Variants in FCRL6 observed in about 807,000 individuals in gnomAD.
FCRL6 encodes Fc receptor-like protein 6.
Under a neutral mutation model 49.1 loss-of-function variants are expected in FCRL6, and 50 were observed. That is an observed-to-expected ratio of 1.02 (90% CI 0.81 to 1.29). The LOEUF is 1.29. Among genes scored for constraint, FCRL6 ranks in the 50% most tolerant of loss-of-function variants. The pLI, the probability that FCRL6 is intolerant of heterozygous loss-of-function variation, is 0.00. For synonymous variants in FCRL6, 213 were observed against 199.6 expected (o/e 1.07, Z -0.57); for missense variants, 571 against 518.5 (o/e 1.10, Z -0.98).
At chr1:159,809,950 C>T (rs1662993443) in intron 5 of FCRL6, 144 bp from the exon 6 acceptor site, 2 of 1,044,014 alleles carry the variant, frequency 1.9e-6, no homozygotes, top group South Asian at 1.5e-5. Context: ...TCCCCTGAGC[C>T]ATCCTTCATG....
At chr1:159,801,881 G>A (rs1662356187), upstream of FCRL6, among the ~76,000 whole-genome samples, 1 of 152,088 alleles carries the variant, frequency 6.6e-6, no homozygotes, top group Non-Finnish European at 1.5e-5. Flanking sequence ...CTCCTGAACT[G>A]AGGATCCTGT....
In FCRL6 at chr1:159,814,229, C is replaced by G; in HGVS notation, c.1084C>G (p.Gln362Glu). 4 of 1,613,914 alleles carry G rather than the reference C, an allele frequency of 2.5e-6. No individual in the cohort carries two copies. The highest frequency in any genetic ancestry group is 3.4e-6 in the Non-Finnish European group (4 of 1,179,810). Residue 362 changes from glutamine (Q) to glutamate (E), a missense_variant, in exon 8 of 10, where the codon CAG (glutamine) becomes GAG (glutamate). Coordinates refer to ENST00000368106, the MANE Select transcript of FCRL6 (RefSeq NM_001004310.3). ...CTCATTCCTTCTTCCAGTGCATCACCAGAAAGGGAAAGATGAAGGTGTTGT... is the reference window on the plus strand; with the variant it reads ...CTCATTCCTTCTTCCAGTGCATCACGAGAAAGGGAAAGATGAAGGTGTTGT... ...QCPLYANVHH[Q>E]KGKDEGVVYS...
At chr1:159,803,710 G>T (rs1462611000) in intron 1 of FCRL6, among the ~76,000 whole-genome samples, 1 of 152,168 alleles carries the variant, frequency 6.6e-6, no homozygotes, top group Non-Finnish European at 1.5e-5. Flanking sequence ...CCAGGACGAG[G>T]ATGACAGACA....
chr1:159,803,459 G>A (rs1662473546), intron 1 of FCRL6, among the ~76,000 whole-genome samples: 1 of 152,138 alleles, frequency 6.6e-6, no homozygotes, highest in Admixed American at 6.5e-5. Flanking sequence ...TGAGGAAAAT[G>A]CCCCTTCCAC....
chr1:159,806,919 T>C (rs1453475703), intron 2 of FCRL6, among the ~76,000 whole-genome samples: 2 of 152,196 alleles, frequency 1.3e-5, no homozygotes, highest in Admixed American at 1.3e-4. Flanking sequence ...CTGGAGCTCT[T>C]ATATTCTCAA....
intron 6 of FCRL6, among the ~76,000 whole-genome samples, chr1:159,810,719 CAG>C (rs1663043179): frequency 6.6e-6 from 1 of 152,128 alleles, no homozygotes; most frequent in African/African-American, 2.4e-5. Flanking sequence ...TTTACTGTAG[CAG>C]AGTGTGCAAA....
intron 6 of FCRL6, among the ~76,000 whole-genome samples, chr1:159,811,768 G>A (rs1348123471): frequency 6.6e-6 from 1 of 152,186 alleles, no homozygotes; most frequent in Non-Finnish European, 1.5e-5. Flanking sequence ...GATGCCCAGA[G>A]CTATTGGGGA....
chr1:159,810,302 C>G (rs951194153), intron 6 of FCRL6, 86 bp downstream of exon 6: 5 of 1,487,052 alleles, frequency 3.4e-6, no homozygotes, highest in African/African-American at 1.4e-5. Context: ...TCTGACAGGA[C>G]CAGCCACTCT....
chr1:159,802,534 T>C, intron 1 of FCRL6, 79 bp downstream of exon 1: 1 of 1,312,020 alleles, frequency 7.6e-7, no homozygotes, highest in Non-Finnish European at 1.1e-6. Flanking sequence ...GTTCCTCATC[T>C]TACCTTTCCC....
rs1427900436 is a variant in FCRL6 at position 159,813,509 on chromosome 1, C to A, written c.1030C>A (p.Pro344Thr). The part of the protein sequence containing the change: ...RKAGPLPSQI[P>T]PTAPGGEQCP... ...CCTAGGGCCCCTTCCATCCCAGATA[C>A]CACCCACAGCTCCAGGTGGAGAGCA... The change falls in exon 7 of 10, where the codon CCA becomes ACA. Residue 344 changes from proline (P) to threonine (T), a missense_variant. Transcript: ENST00000368106. The A allele has an allele frequency of 1.9e-6, 3 of 1,614,102 alleles. No individual in the cohort carries two copies. The highest frequency in any genetic ancestry group is 1.7e-5 in the Admixed American group (1 of 60,028).
rs534170165 is a variant in FCRL6, at chr1:159,814,970, G to A, written c.1148-458G>A. Among the ~76,000 whole-genome samples the A allele has an allele frequency of 2.0e-3, 304 of 152,320 alleles. 1 individual carries two copies. Among genetic ancestry groups the A allele is most frequent in the Admixed American group, 3.7e-3 (56 of 15,304 alleles). ...AGGGGAGACAATGCCTGCTTTGCAG[G>A]ACTACTGTAAGTTGTTAGGAATAGA... On this transcript the variant is annotated intron_variant, in intron 8 of 9. Coordinates refer to ENST00000368106, the MANE Select transcript of FCRL6 (RefSeq NM_001004310.3).
Position 159,806,593 on chromosome 1 carries a change from C to A in FCRL6, c.32-3C>A, listed in dbSNP as rs751746440. 7 of 1,613,354 alleles carry A rather than the reference C, an allele frequency of 4.3e-6. 1 individual carries two copies. The Admixed American group carries it at 8.3e-5, about 19-fold the overall frequency. On this transcript the variant is annotated splice_polypyrimidine_tract_variant and splice_region_variant and intron_variant, in intron 1 of 9. Coordinates refer to ENST00000368106, the MANE Select transcript of FCRL6 (RefSeq NM_001004310.3). The stretch of plus-strand genomic sequence containing the variant: ...CTAATTGTGTTACTTTGTTCTCTTG[C>A]AGTTCCCTGTGTTGGGAAAACTGGT...
intron 2 of FCRL6, among the ~76,000 whole-genome samples, chr1:159,807,195 A>G (rs6670357): frequency 0.044 from 6,731 of 152,320 alleles, 488 homozygotes; most frequent in African/African-American, 0.15. Context: ...TGGAAGCAAG[A>G]CCTGCTGTTC....
intron 1 of FCRL6, among the ~76,000 whole-genome samples, chr1:159,803,246 C>CGAG (rs766185829): frequency 3.6e-4 from 55 of 152,224 alleles, no homozygotes; most frequent in Non-Finnish European, 5.9e-4. Context: ...AGCTCAGTCT[C>CGAG]AGCCAGTGTC....
chr1:159,811,891 G>C (rs952168331), intron 6 of FCRL6, among the ~76,000 whole-genome samples: 1 of 152,178 alleles, frequency 6.6e-6, no homozygotes. Flanking sequence ...AGGTGTTTCT[G>C]TTTCTGTCCA....
chr1:159,806,486 C>A, intron 1 of FCRL6, 110 bp from the exon 2 acceptor site: 1 of 932,810 alleles, frequency 1.1e-6, no homozygotes. Context: ...GTTTGGTGGC[C>A]GGGTGGTTGG....
upstream of FCRL6, chr1:159,802,287 A>G (rs779837235): frequency 5.6e-6 from 4 of 712,512 alleles, no homozygotes; most frequent in Non-Finnish European, 9.4e-6. Flanking sequence ...TCCACTTCCT[A>G]TTTTGGCTAT....
Position 159,809,448 on chromosome 1 carries a change from C to A in FCRL6, c.651C>A (p.Asp217Glu). ...PVLTLHHGPA[D>E]PAVGDMVQLL... is the part of the protein sequence containing the mutation. ...TCACTCTGCACCACGGGCCTGCTGA[C>A]CCTGCTGTGGGGGACATGGTGCAGC... Residue 217 changes from aspartate (D) to glutamate (E), a missense_variant, in exon 5 of 10, where the codon GAC becomes GAA. Physicochemically the swap from Asp to Glu is conservative, Grantham distance 45. Coordinates refer to ENST00000368106, the MANE Select transcript of FCRL6 (RefSeq NM_001004310.3). 1.2e-6 allele frequency: 2 copies of A among 1,613,582 alleles called. No individual in the cohort carries two copies. The highest frequency in any genetic ancestry group is 1.1e-5 in the South Asian group (1 of 91,060).
intron 7 of FCRL6, among the ~76,000 whole-genome samples, chr1:159,813,954 C>T (rs1041770305): frequency 3.3e-4 from 50 of 152,146 alleles, no homozygotes; most frequent in African/African-American, 1.2e-3. Context: ...CTCACAAAGC[C>T]AAAAATATGT....
Sources: gnomAD v4.1 joint callset for allele counts (sites outside exome capture counted in the v4.1 genomes callset) on GRCh38, gnomAD v4.1.1 for gene constraint, MANE v1.5 for transcripts, NCBI Gene and HGNC (gene_info 2026-07-23, HGNC 2026-07-21) for gene names.